Variants in CTNNA3 observed in about 807,000 individuals in gnomAD.
CTNNA3 encodes catenin alpha 3.
CTNNA3 carries 76 observed loss-of-function variants against 95.7 expected under a neutral mutation model. The ratio of observed to expected loss-of-function variants is 0.79; its 90% CI spans 0.66 to 0.96. CTNNA3 has a LOEUF of 0.96. Among genes scored for constraint, CTNNA3 ranks in the 40% least tolerant of loss-of-function variants. The probability of loss-of-function intolerance (pLI) is 0.00; values close to 1 mark genes in which losing one functional copy is unlikely to be tolerated. For missense variants in CTNNA3, 1,191 were observed against 1,089.8 expected, an observed-to-expected ratio of 1.09 and a Z score of -1.31; for synonymous variants, 431 against 374.4, an observed-to-expected ratio of 1.15 and a Z score of -1.74.
intron 11 of CTNNA3, among the ~76,000 whole-genome samples, chr10:66,418,048 C>T (rs1202574871): frequency 6.9e-6 from 1 of 144,452 alleles, no homozygotes; most frequent in Non-Finnish European, 1.5e-5. Flanking sequence ...ACTAGAAAAA[C>T]AATAAAAAGC....
chr10:66,228,291 A>T (rs1289293739), intron 13 of CTNNA3, among the ~76,000 whole-genome samples: 4 of 151,176 alleles, frequency 2.6e-5, no homozygotes, highest in Non-Finnish European at 3.0e-5. Context: ...TTCTTTTTTG[A>T]TGTGTTTTTG....
intron 7 of CTNNA3, chr10:66,926,392 G>T: frequency 1.5e-6 from 1 of 655,412 alleles, no homozygotes; most frequent in Non-Finnish European, 2.8e-6. Context: ...GGATTTATTT[G>T]TTCTTGGAGT....
rs1589826740 is a variant in CTNNA3 at position 66,241,517 on chromosome 10, A to AT, written c.1884+38952dup. 3.3e-5 allele frequency among the ~76,000 whole-genome samples: 5 copies of AT among 152,326 alleles called. No homozygotes were observed. The East Asian group carries it at 9.7e-4, about 29-fold the overall frequency. On this transcript the variant is annotated intron_variant, in intron 13 of 17. Transcript: ENST00000433211. ...AGACCTTAGGAGAATATAATCGGAA[A>AT]TCATTTAAAATCAGAAAACTGAGAA... is the stretch of plus-strand genomic sequence containing the variant.
chr10:66,338,523 A>C (rs1203840852), intron 12 of CTNNA3, among the ~76,000 whole-genome samples: 4 of 152,022 alleles, frequency 2.6e-5, no homozygotes, highest in Non-Finnish European at 4.4e-5. Flanking sequence ...ACAGTAGTTA[A>C]AGAAATAACA....
At chr10:67,358,928 A>C (rs1044668840) in intron 5 of CTNNA3, among the ~76,000 whole-genome samples, 5 of 152,116 alleles carry the variant, frequency 3.3e-5, no homozygotes, top group African/African-American at 4.8e-5. Flanking sequence ...TCTCCTCCCC[A>C]GAACACTGCT....
At chr10:66,959,063 G>A (rs959813853) in intron 7 of CTNNA3, among the ~76,000 whole-genome samples, 13 of 152,154 alleles carry the variant, frequency 8.5e-5, no homozygotes, top group South Asian at 6.2e-4. Context: ...CCTGCCAAGC[G>A]CTGGTATCCA....
At chr10:66,061,955 T>G (rs1182608395) in intron 15 of CTNNA3, among the ~76,000 whole-genome samples, 1 of 152,120 alleles carries the variant, frequency 6.6e-6, no homozygotes, top group Non-Finnish European at 1.5e-5. Context: ...ACTGATTGGG[T>G]CTTATCCTGT....
At chr10:66,913,673 C>T (rs1268087435) in intron 7 of CTNNA3, among the ~76,000 whole-genome samples, 1 of 152,050 alleles carries the variant, frequency 6.6e-6, no homozygotes, top group South Asian at 2.1e-4. Context: ...GACCTTATGT[C>T]GCGCCATAAA....
At chr10:67,686,295 G>C (rs1204166317) in intron 1 of CTNNA3, among the ~76,000 whole-genome samples, 2 of 152,220 alleles carry the variant, frequency 1.3e-5, no homozygotes, top group Admixed American at 6.5e-5. Context: ...CTGTTACTAT[G>C]GCATAACCTG....
intron 5 of CTNNA3, among the ~76,000 whole-genome samples, chr10:67,510,634 T>G (rs1205480727): frequency 6.6e-6 from 1 of 152,210 alleles, no homozygotes; most frequent in Non-Finnish European, 1.5e-5. Flanking sequence ...GCATGATGCT[T>G]CCAGTTTTGT....
chr10:66,147,184 T>A (rs1293711214), intron 13 of CTNNA3, among the ~76,000 whole-genome samples: 1 of 152,152 alleles, frequency 6.6e-6, no homozygotes, highest in East Asian at 1.9e-4. Flanking sequence ...AAAGTGTCTC[T>A]CTTCTAAGTA....
At chr10:66,750,940 G>T (rs749939784) in intron 9 of CTNNA3, among the ~76,000 whole-genome samples, 6 of 152,060 alleles carry the variant, frequency 3.9e-5, no homozygotes, top group East Asian at 1.9e-4. Context: ...TTTCATTTTT[G>T]AGGGTGTTAA....
At chr10:66,451,049 A>G (rs1393827830) in intron 11 of CTNNA3, among the ~76,000 whole-genome samples, 2 of 152,120 alleles carry the variant, frequency 1.3e-5, no homozygotes, top group Non-Finnish European at 1.5e-5. Flanking sequence ...AGTGGATTCA[A>G]TAGCACGTGT....
In CTNNA3 at chr10:66,410,704, T is replaced by A. The variant is rs143875604; in HGVS notation, c.1532-31352A>T. 4.9e-3 allele frequency among the ~76,000 whole-genome samples: 746 copies of A among 152,296 alleles called. 6 individuals carry two copies. The highest frequency in any genetic ancestry group is 0.012 in the African/African-American group (497 of 41,562). The stretch of plus-strand genomic sequence containing the variant: ...CTAGAATAATCATAAATAATCTTTG[T>A]CAGGACCCTATCACAGATCATCTTC... On this transcript the variant is annotated intron_variant, in intron 11 of 17. Transcript: ENST00000433211.
intron 1 of CTNNA3, among the ~76,000 whole-genome samples, chr10:67,659,672 A>C (rs1210779876): frequency 6.6e-6 from 1 of 152,220 alleles, no homozygotes; most frequent in East Asian, 1.9e-4. Context: ...CTTCAGCTAC[A>C]AGGCATCAAC....
chr10:66,263,509 G>C (rs934356631), intron 13 of CTNNA3, among the ~76,000 whole-genome samples: 5 of 151,902 alleles, frequency 3.3e-5, no homozygotes, highest in Admixed American at 3.3e-4. Flanking sequence ...TCATTGTCAG[G>C]GTATCAGAGT....
intron 5 of CTNNA3, among the ~76,000 whole-genome samples, chr10:67,482,359 T>C (rs867718676): frequency 0.022 from 3,413 of 152,224 alleles, 73 homozygotes; most frequent in African/African-American, 0.066. Context: ...ATTTTCACGA[T>C]ATTGATTCTT....
intron 7 of CTNNA3, among the ~76,000 whole-genome samples, chr10:67,002,759 C>T (rs533119534): frequency 6.6e-6 from 1 of 151,972 alleles, no homozygotes; most frequent in South Asian, 2.1e-4. Flanking sequence ...GAGTCACTGG[C>T]CATATTTCAT....
chr10:67,238,101 G>A (rs757555972), intron 5 of CTNNA3, among the ~76,000 whole-genome samples: 1 of 152,126 alleles, frequency 6.6e-6, no homozygotes, highest in Non-Finnish European at 1.5e-5. Context: ...AGAGAAGAAT[G>A]TACTTGGAAG....
Sources: gnomAD v4.1 joint callset for allele counts (sites outside exome capture counted in the v4.1 genomes callset) on GRCh38, gnomAD v4.1.1 for gene constraint, MANE v1.5 for transcripts, NCBI Gene and HGNC (gene_info 2026-07-23, HGNC 2026-07-21) for gene names.